The following OCM variants were observed in gnomAD, a reference collection of about 807,000 sequenced individuals.
The protein encoded by OCM is oncomodulin-1.
A neutral mutation model predicts 14.1 loss-of-function variants in OCM; 18 were observed. The ratio of observed to expected loss-of-function variants is 1.28; its 90% CI spans 0.88 to 1.89. The LOEUF is 1.89. Ranked by LOEUF, OCM falls within the 40% of genes most tolerant of loss-of-function variation. OCM has a pLI of 0.00. For missense variants in OCM, 140 were observed against 137.6 expected (o/e 1.02, Z -0.09); for synonymous variants, 48 against 51.0 (o/e 0.94, Z 0.25).
chr7:5,877,186 TG>T (rs1562528597), upstream of OCM, among the ~76,000 whole-genome samples: 1 of 152,020 alleles, frequency 6.6e-6, no homozygotes, highest in East Asian at 1.9e-4. Context: ...AACTTGAGGC[TG>T]GGCACAGTGG....
upstream of OCM, among the ~76,000 whole-genome samples, chr7:5,878,394 A>C (rs150703291): frequency 6.3e-4 from 95 of 151,732 alleles, no homozygotes; most frequent in East Asian, 2.7e-3. Context: ...AATTATAGAG[A>C]TCTCTCGTTC....
chr7:5,863,884 G>C, the OCM span, among the ~76,000 whole-genome samples: 1 of 152,042 alleles, frequency 6.6e-6, no homozygotes, highest in African/African-American at 2.4e-5. Flanking sequence ...GGATGCAGAG[G>C]CTGGGAGAGG....
the OCM span, among the ~76,000 whole-genome samples, chr7:5,867,013 T>G: frequency 6.6e-6 from 1 of 152,228 alleles, no homozygotes; most frequent in Non-Finnish European, 1.5e-5. Flanking sequence ...ACTTGTAGAC[T>G]ATCCTTTTAT....
At chr7:5,884,113 C>G (rs1252209385) in intron 3 of OCM, 114 bp downstream of exon 3, 1 of 1,101,246 alleles carries the variant, frequency 9.1e-7, no homozygotes, top group Non-Finnish European at 1.3e-6. Context: ...TTAAACTTAC[C>G]GAGCCTCAGT....
chr7:5,865,278 G>A, the OCM span, among the ~76,000 whole-genome samples: 2 of 152,208 alleles, frequency 1.3e-5, no homozygotes, highest in African/African-American at 4.8e-5. Context: ...GCGCCTGGGT[G>A]TGGTCTTTGA....
chr7:5,861,129 A>G, the OCM span, among the ~76,000 whole-genome samples: 1 of 152,002 alleles, frequency 6.6e-6, no homozygotes, highest in Admixed American at 6.6e-5. Flanking sequence ...TAAGAATCCC[A>G]GTTCTGGCCG....
At chr7:5,862,994 T>G in the OCM span, among the ~76,000 whole-genome samples, 7 of 152,144 alleles carry the variant, frequency 4.6e-5, no homozygotes, top group Admixed American at 4.6e-4. Context: ...GTTTATCTTA[T>G]GTAAAATGTA....
chr7:5,873,555 G>C, the OCM span, among the ~76,000 whole-genome samples: 7 of 151,942 alleles, frequency 4.6e-5, no homozygotes, highest in East Asian at 1.4e-3. Flanking sequence ...ATGTGACCCA[G>C]GCTGGTCTCA....
the OCM span, among the ~76,000 whole-genome samples, chr7:5,860,464 C>T: frequency 5.1e-5 from 3 of 58,612 alleles, no homozygotes; most frequent in Admixed American, 2.2e-4. Context: ...TATATTATTA[C>T]GTATATATAC....
upstream of OCM, among the ~76,000 whole-genome samples, chr7:5,875,152 T>A (rs1344643153): frequency 6.6e-6 from 1 of 151,672 alleles, no homozygotes; most frequent in Non-Finnish European, 1.5e-5. Flanking sequence ...CCTCCCGGGT[T>A]CAAGCAATTC....
the OCM span, among the ~76,000 whole-genome samples, chr7:5,870,077 G>A: frequency 1.3e-5 from 2 of 151,982 alleles, no homozygotes; most frequent in Non-Finnish European, 2.9e-5. Flanking sequence ...GGAGTAGGCT[G>A]ACATTTGCAG....
chr7:5,878,875 TAAAAA>T (rs57901741), upstream of OCM, among the ~76,000 whole-genome samples: 12 of 102,014 alleles, frequency 1.2e-4, no homozygotes, highest in Non-Finnish European at 1.1e-4. Context: ...TGCTGAAAGT[TAAAAA>T]AAAAAAAAAA....
chr7:5,861,790 G>A, the OCM span, among the ~76,000 whole-genome samples: 5 of 151,958 alleles, frequency 3.3e-5, no homozygotes, highest in Non-Finnish European at 7.4e-5. Flanking sequence ...TGTTGCCCAG[G>A]CTGGTCTCAA....
chr7:5,876,398 A>G (rs187757477), upstream of OCM, among the ~76,000 whole-genome samples: 453 of 151,894 alleles, frequency 3.0e-3, 3 homozygotes, highest in African/African-American at 5.2e-3. Context: ...CAATCCTCCC[A>G]CCTTGGCCTC....
chr7:5,881,874 G>T (rs111481343), intron 1 of OCM, among the ~76,000 whole-genome samples: 91 of 151,884 alleles, frequency 6.0e-4, no homozygotes, highest in African/African-American at 2.2e-3. Context: ...ATCACTTGAG[G>T]TCAGGAGTTC....
At chr7:5,874,223 CAAAAAAAAAA>C in the OCM span, among the ~76,000 whole-genome samples, 4 of 31,468 alleles carry the variant, frequency 1.3e-4, no homozygotes, top group Admixed American at 5.2e-4. Context: ...GACTCTGTCT[CAAAAAAAAAA>C]AAAAAAAAAA....
rs534558652 is a variant in OCM, at chr7:5,881,449, C to G, written c.61+499C>G. ...CCAGCCTGGGCAACATAGGAAGACT[C>G]CATCTCTACAACATAACAATAAAAA... On this transcript the variant is annotated intron_variant, in intron 1 of 3. Coordinates refer to ENST00000242104, the MANE Select transcript of OCM (RefSeq NM_001097622.2). Among the ~76,000 whole-genome samples the G allele has an allele frequency of 2.6e-5, 4 of 152,000 alleles. No homozygotes were observed. In the South Asian group the frequency reaches 8.3e-4, roughly 32 times the overall value.
chr7:5,864,253 G>C, the OCM span, among the ~76,000 whole-genome samples: 25 of 151,526 alleles, frequency 1.6e-4, 1 homozygote. Flanking sequence ...TGCTATGGTA[G>C]GGGAAATCAC....
chr7:5,885,596 T>TTTTC (rs1554279977), intron 3 of OCM, among the ~76,000 whole-genome samples: 10 of 151,728 alleles, frequency 6.6e-5, no homozygotes, highest in African/African-American at 9.7e-5. Flanking sequence ...CAGGGTTTTT[T>TTTTC]TTTCTTTCTT....
Sources: gnomAD v4.1 joint callset for allele counts (sites outside exome capture counted in the v4.1 genomes callset) on GRCh38, gnomAD v4.1.1 for gene constraint, MANE v1.5 for transcripts, NCBI Gene and HGNC (gene_info 2026-07-23, HGNC 2026-07-21) for gene names.